VEPH1: variants seen among roughly 807,000 people sequenced by gnomAD.
The protein encoded by VEPH1 is ventricular zone-expressed PH domain-containing protein homolog 1.
A neutral mutation model predicts 85.2 loss-of-function variants in VEPH1; 80 were observed. That is an observed-to-expected ratio of 0.94 (90% CI 0.78 to 1.13). VEPH1 has a LOEUF of 1.13. Among genes scored for constraint, VEPH1 ranks in the 50% most tolerant of loss-of-function variants. The probability of loss-of-function intolerance (pLI) is 0.00; values close to 1 mark genes in which losing one functional copy is unlikely to be tolerated. For synonymous variants in VEPH1, 297 were observed against 348.0 expected, an observed-to-expected ratio of 0.85 and a Z score of 1.63; for missense variants, 955 against 980.5, an observed-to-expected ratio of 0.97 and a Z score of 0.35.
At chr3:157,419,551 G>T (rs1379424027) in intron 5 of VEPH1, among the ~76,000 whole-genome samples, 5 of 152,234 alleles carry the variant, frequency 3.3e-5, no homozygotes, top group African/African-American at 1.2e-4. Flanking sequence ...CATTCATGTG[G>T]CCAGCAGACA....
intron 7 of VEPH1, among the ~76,000 whole-genome samples, chr3:157,377,700 G>A (rs1467004701): frequency 1.3e-5 from 2 of 152,060 alleles, no homozygotes; most frequent in Admixed American, 6.5e-5. Flanking sequence ...TGAAGATGGT[G>A]TCTTGCTTCC....
At chr3:157,408,398 A>T (rs1731293116) in intron 6 of VEPH1, among the ~76,000 whole-genome samples, 1 of 152,162 alleles carries the variant, frequency 6.6e-6, no homozygotes, top group South Asian at 2.1e-4. Flanking sequence ...AGTTATAATT[A>T]TGTCATCTAG....
At chr3:157,344,034 A>C (rs1256740608) in intron 9 of VEPH1, among the ~76,000 whole-genome samples, 1 of 152,214 alleles carries the variant, frequency 6.6e-6, no homozygotes, top group Non-Finnish European at 1.5e-5. Context: ...ATCTCAAAAT[A>C]ATAAGAGCTA....
At chr3:157,346,931 A>AGT (rs1724292888) in intron 9 of VEPH1, among the ~76,000 whole-genome samples, 1 of 152,156 alleles carries the variant, frequency 6.6e-6, no homozygotes, top group African/African-American at 2.4e-5. Flanking sequence ...TTTGAATTAA[A>AGT]TCCTTTTATT....
chr3:157,450,875 A>AATT (rs1734917721), intron 4 of VEPH1, among the ~76,000 whole-genome samples: 1 of 152,134 alleles, frequency 6.6e-6, no homozygotes, highest in Non-Finnish European at 1.5e-5. Flanking sequence ...ATTGGGAGAG[A>AATT]ATTACATAGG....
intron 11 of VEPH1, among the ~76,000 whole-genome samples, chr3:157,297,613 GAA>G (rs1229114510): frequency 6.6e-6 from 1 of 152,090 alleles, no homozygotes; most frequent in African/African-American, 2.4e-5. Flanking sequence ...GAAGCAGAGA[GAA>G]AGAATGCAGT....
chr3:157,443,564 G>A (rs1343614145), intron 4 of VEPH1: 4 of 152,572 alleles, frequency 2.6e-5, no homozygotes, highest in Admixed American at 1.3e-4. Flanking sequence ...AAGCTCTACT[G>A]TAAATAAAAT....
chr3:157,334,715 T>C lies in VEPH1; in HGVS notation c.1736-17514A>G, dbSNP rs116582967. 3.3e-3 allele frequency among the ~76,000 whole-genome samples: 502 copies of C among 152,252 alleles called. 4 individuals are homozygous for C. The highest frequency in any genetic ancestry group is 0.012 in the African/African-American group (481 of 41,530). On this transcript the variant is annotated intron_variant, in intron 9 of 13. Coordinates refer to ENST00000362010, the MANE Select transcript of VEPH1 (RefSeq NM_001167912.2). Reference sequence around the variant, plus strand: ...GAGCAATCCATGATCAAGTGCCAAATGAGAAGTACTGGGAATCACGGGGGT... The same window carrying C: ...GAGCAATCCATGATCAAGTGCCAAACGAGAAGTACTGGGAATCACGGGGGT...
chr3:157,490,446 C>A (rs1365349453), intron 2 of VEPH1, among the ~76,000 whole-genome samples: 11 of 151,748 alleles, frequency 7.2e-5, no homozygotes, highest in African/African-American at 2.7e-4. Flanking sequence ...TAAACAGATA[C>A]TTCACTGGAA....
intron 2 of VEPH1, among the ~76,000 whole-genome samples, chr3:157,477,190 ATT>A (rs35842236): frequency 4.2e-5 from 6 of 143,118 alleles, no homozygotes; most frequent in Non-Finnish European, 6.1e-5. Flanking sequence ...CTCTGAGGGC[ATT>A]TTTTTTTTTT....
At position 157,465,417 on chromosome 3, in the gene VEPH1, A is replaced by T. The variant is rs184219463; in HGVS notation, c.354+4897T>A. Among the ~76,000 whole-genome samples, 4 of 152,318 alleles carry T rather than the reference A, an allele frequency of 2.6e-5. No homozygotes were observed. The East Asian group carries it at 5.8e-4, about 22-fold the overall frequency. Reference sequence around the variant, plus strand: ...ATGATACCAACTTCCTATGTTCTAAATATTTTGTCTATTAAAGTCTATTAA... The same window carrying T: ...ATGATACCAACTTCCTATGTTCTAATTATTTTGTCTATTAAAGTCTATTAA... On this transcript the variant is annotated intron_variant, in intron 3 of 13. Transcript: ENST00000362010.
chr3:157,351,512 G>A (rs1266996626), intron 9 of VEPH1, among the ~76,000 whole-genome samples: 2 of 152,142 alleles, frequency 1.3e-5, no homozygotes, highest in Non-Finnish European at 2.9e-5. Flanking sequence ...CAATTAATAG[G>A]TGATCATTAA....
chr3:157,501,634 C>G (rs1740127811), intron 1 of VEPH1, among the ~76,000 whole-genome samples: 1 of 152,164 alleles, frequency 6.6e-6, no homozygotes, highest in Admixed American at 6.5e-5. Context: ...AGGACTTAAT[C>G]GCCACACTAT....
In VEPH1 at chr3:157,317,606, C is replaced by T. The variant is rs189257408; in HGVS notation, c.1736-405G>A. Among the ~76,000 whole-genome samples, 12 of 152,250 alleles carry T rather than the reference C, an allele frequency of 7.9e-5. No individual in the cohort carries two copies. In the South Asian group the frequency reaches 2.3e-3, roughly 29 times the overall value. ...CTTGCCATGAACCATGGATGCTGTT[C>T]TCTTGGTTGTGCAGGGGCCTCAGAG... On this transcript the variant is annotated intron_variant, in intron 9 of 13. Transcript: ENST00000362010.
intron 9 of VEPH1, among the ~76,000 whole-genome samples, chr3:157,342,162 T>A (rs1330061375): frequency 2.0e-5 from 3 of 152,156 alleles, no homozygotes; most frequent in Admixed American, 2.0e-4. Context: ...CAGGATCAAA[T>A]TCACACATAA....
At chr3:157,377,106 A>G (rs778700908) in intron 7 of VEPH1, among the ~76,000 whole-genome samples, 7 of 152,274 alleles carry the variant, frequency 4.6e-5, no homozygotes, top group African/African-American at 7.2e-5. Context: ...GGCTGTCCAC[A>G]CGAGGGTTTA....
chr3:157,422,637 A>G (rs1418054599), intron 5 of VEPH1, among the ~76,000 whole-genome samples: 1 of 151,936 alleles, frequency 6.6e-6, no homozygotes, highest in Non-Finnish European at 1.5e-5. Flanking sequence ...CCCAAACTCT[A>G]CTGCAGTTTT....
At chr3:157,343,578 A>G (rs1014579210) in intron 9 of VEPH1, among the ~76,000 whole-genome samples, 7 of 152,214 alleles carry the variant, frequency 4.6e-5, no homozygotes, top group African/African-American at 1.7e-4. Context: ...ACGGATTCAC[A>G]GCCGAATTCT....
chr3:157,342,474 T>A (rs531073201), intron 9 of VEPH1, among the ~76,000 whole-genome samples: 1 of 152,314 alleles, frequency 6.6e-6, no homozygotes, highest in Admixed American at 6.5e-5. Flanking sequence ...CAAGAAGAGC[T>A]AACTATCCTA....
Sources: gnomAD v4.1 joint callset for allele counts (sites outside exome capture counted in the v4.1 genomes callset) on GRCh38, gnomAD v4.1.1 for gene constraint, MANE v1.5 for transcripts, NCBI Gene and HGNC (gene_info 2026-07-23, HGNC 2026-07-21) for gene names.